The following DLG2 variants were observed in gnomAD, a reference collection of about 807,000 sequenced individuals.
The protein encoded by DLG2 is disks large homolog 2.
In DLG2, 45 loss-of-function variants were observed where a neutral mutation model predicts 132.5. The ratio of observed to expected loss-of-function variants is 0.34; its 90% CI spans 0.27 to 0.44. The LOEUF is 0.44. Among genes scored for constraint, DLG2 ranks in the 20% least tolerant of loss-of-function variants. The probability of loss-of-function intolerance (pLI) is 1.00; values close to 1 mark genes in which losing one functional copy is unlikely to be tolerated. For synonymous variants in DLG2, 424 were observed against 419.6 expected, an observed-to-expected ratio of 1.01 and a Z score of -0.13; for missense variants, 1,045 against 1,196.9, an observed-to-expected ratio of 0.87 and a Z score of 1.87.
intron 6 of DLG2, among the ~76,000 whole-genome samples, chr11:84,682,666 C>T (rs1009772635): frequency 1.3e-5 from 2 of 152,180 alleles, no homozygotes; most frequent in African/African-American, 4.8e-5. Flanking sequence ...CTCTCAGTCC[C>T]CATGACTAGG....
At chr11:84,114,457 G>T (rs147003001) in intron 9 of DLG2, among the ~76,000 whole-genome samples, 1 of 152,066 alleles carries the variant, frequency 6.6e-6, no homozygotes, top group Admixed American at 6.6e-5. Context: ...ATTTGAAAGC[G>T]AACTCAAGGA....
intron 7 of DLG2, among the ~76,000 whole-genome samples, chr11:84,374,712 C>T (rs895730035): frequency 7.2e-5 from 11 of 152,098 alleles, no homozygotes; most frequent in Non-Finnish European, 1.3e-4. Context: ...GCCTACAGTC[C>T]CTTCCCAGCT....
At chr11:84,717,272 G>A (rs536253714) in intron 6 of DLG2, among the ~76,000 whole-genome samples, 22 of 152,098 alleles carry the variant, frequency 1.4e-4, no homozygotes, top group Middle Eastern at 6.8e-3. Context: ...TGAAATGACT[G>A]CAGGTTTCTG....
chr11:84,016,453 G>A (rs1001500223), intron 11 of DLG2, among the ~76,000 whole-genome samples: 1 of 152,022 alleles, frequency 6.6e-6, no homozygotes, highest in Admixed American at 6.6e-5. Context: ...GTATTGCCTA[G>A]GTTGTCTTTG....
intron 7 of DLG2, among the ~76,000 whole-genome samples, chr11:84,501,834 T>A (rs933787217): frequency 6.6e-6 from 1 of 152,096 alleles, no homozygotes; most frequent in African/African-American, 2.4e-5. Flanking sequence ...TAAAGGAAAA[T>A]AAATGATATA....
intron 2 of DLG2, among the ~76,000 whole-genome samples, chr11:85,623,525 G>C (rs902799134): frequency 6.6e-6 from 1 of 152,102 alleles, no homozygotes; most frequent in Non-Finnish European, 1.5e-5. Context: ...GGCTGGTCTT[G>C]AACTCCTGAC....
chr11:85,100,826 T>A (rs560868795), intron 6 of DLG2, among the ~76,000 whole-genome samples: 2 of 152,262 alleles, frequency 1.3e-5, no homozygotes, highest in East Asian at 3.9e-4. Flanking sequence ...TACCTGGTCA[T>A]CTAAGAACTG....
intron 8 of DLG2, among the ~76,000 whole-genome samples, chr11:84,182,009 G>A (rs2096144444): frequency 6.6e-6 from 1 of 152,086 alleles, no homozygotes; most frequent in African/African-American, 2.4e-5. Flanking sequence ...TGAACTCCAT[G>A]GAACCATCAC....
intron 4 of DLG2, among the ~76,000 whole-genome samples, chr11:85,182,109 G>C (rs1357414481): frequency 6.6e-6 from 1 of 151,942 alleles, no homozygotes; most frequent in Non-Finnish European, 1.5e-5. Flanking sequence ...TTAATGTTTT[G>C]TCTCTAATGT....
intron 8 of DLG2, among the ~76,000 whole-genome samples, chr11:84,210,622 TAAAC>T (rs893919673): frequency 2.4e-4 from 37 of 151,994 alleles, no homozygotes; most frequent in African/African-American, 8.4e-4. Context: ...GGAACATGGA[TAAAC>T]AAATTATTGT....
intron 6 of DLG2, among the ~76,000 whole-genome samples, chr11:85,043,107 T>C (rs570476250): frequency 6.6e-5 from 10 of 152,022 alleles, no homozygotes; most frequent in African/African-American, 2.4e-4. Context: ...CCTACACTAA[T>C]AGATTTTCTA....
rs746217784 is a variant in DLG2 at position 83,561,843 on chromosome 11, A to G, written c.1941-19985T>C. The stretch of plus-strand genomic sequence containing the variant: ...AGTAGGAACATAATATTTTTCTAAC[A>G]TAAACAATAATCCTGCAAAGTTTGA... On this transcript the variant is annotated intron_variant, in intron 19 of 27. Coordinates refer to ENST00000376104, the MANE Select transcript of DLG2 (RefSeq NM_001142699.3). Among the ~76,000 whole-genome samples, 273 of 151,302 alleles carry G rather than the reference A, an allele frequency of 1.8e-3. 1 individual carries two copies. Among genetic ancestry groups the G allele is most frequent in the Non-Finnish European group, 3.6e-3 (244 of 67,838 alleles).
chr11:85,573,205 CATT>C (rs2077951003), intron 3 of DLG2, among the ~76,000 whole-genome samples: 1 of 152,166 alleles, frequency 6.6e-6, no homozygotes, highest in Admixed American at 6.6e-5. Flanking sequence ...AAATCTCTCT[CATT>C]ATAAATTACC....
chr11:85,158,553 C>T (rs2077769081), intron 4 of DLG2, among the ~76,000 whole-genome samples: 1 of 152,108 alleles, frequency 6.6e-6, no homozygotes, highest in African/African-American at 2.4e-5. Flanking sequence ...GAGGGCAGCA[C>T]CTGCATCTTT....
At chr11:84,155,504 G>A (rs2095410735) in intron 9 of DLG2, among the ~76,000 whole-genome samples, 2 of 151,470 alleles carry the variant, frequency 1.3e-5, no homozygotes, top group African/African-American at 4.9e-5. Flanking sequence ...GACCCTACCA[G>A]TGCTGGCTGC....
chr11:85,546,306 G>A (rs2076321088), intron 3 of DLG2, among the ~76,000 whole-genome samples: 1 of 152,156 alleles, frequency 6.6e-6, no homozygotes, highest in Admixed American at 6.5e-5. Context: ...TGATTTTTGA[G>A]TGAGTTTCTT....
intron 7 of DLG2, among the ~76,000 whole-genome samples, chr11:84,505,415 G>C (rs1025585843): frequency 8.5e-5 from 13 of 152,122 alleles, no homozygotes; most frequent in African/African-American, 3.1e-4. Flanking sequence ...GGCAATCTGA[G>C]ACTTAACAAG....
intron 7 of DLG2, among the ~76,000 whole-genome samples, chr11:84,276,899 A>T (rs1212223847): frequency 6.6e-6 from 1 of 152,238 alleles, no homozygotes; most frequent in African/African-American, 2.4e-5. Context: ...GACACAATGT[A>T]GGAAAGAATG....
chr11:83,646,926 G>C (rs1237499272), intron 18 of DLG2: 1 of 152,064 alleles, frequency 6.6e-6, no homozygotes, highest in East Asian at 1.9e-4. Flanking sequence ...ATTAATAAGA[G>C]GTATTTTGAT....
Sources: gnomAD v4.1 joint callset for allele counts (sites outside exome capture counted in the v4.1 genomes callset) on GRCh38, gnomAD v4.1.1 for gene constraint, MANE v1.5 for transcripts, NCBI Gene and HGNC (gene_info 2026-07-23, HGNC 2026-07-21) for gene names.